The following EXOSC10 variants were observed in gnomAD, a reference collection of about 807,000 sequenced individuals.
The protein encoded by EXOSC10 is exosome component 10.
Under a neutral mutation model 126.6 loss-of-function variants are expected in EXOSC10, and 94 were observed. That is an observed-to-expected ratio of 0.74 (90% CI 0.63 to 0.88). EXOSC10 has a LOEUF of 0.88. Ranked by LOEUF, EXOSC10 falls within the 40% of genes least tolerant of loss-of-function variation. The probability of loss-of-function intolerance (pLI) is 0.00; values close to 1 mark genes in which losing one functional copy is unlikely to be tolerated. For missense variants in EXOSC10, 1,041 were observed against 1,100.5 expected, an observed-to-expected ratio of 0.95 and a Z score of 0.77; for synonymous variants, 395 against 400.8, an observed-to-expected ratio of 0.99 and a Z score of 0.17.
At chr1:11,074,476 G>C (rs1361917311) in intron 17 of EXOSC10, 150 bp from the exon 18 acceptor site, 1 of 582,602 alleles carries the variant, frequency 1.7e-6, no homozygotes, top group African/African-American at 1.9e-5. Context: ...ACAGTGGTGT[G>C]ATCTCTGCTC....
At chr1:11,084,902 GT>G (rs1640405483) in intron 9 of EXOSC10, among the ~76,000 whole-genome samples, 1 of 152,102 alleles carries the variant, frequency 6.6e-6, no homozygotes, top group Non-Finnish European at 1.5e-5. Flanking sequence ...CCCATTGCTT[GT>G]TTTTTGTCAG....
chr1:11,069,468 C>G (rs563937291), intron 22 of EXOSC10, 91 bp downstream of exon 22: 1 of 1,384,806 alleles, frequency 7.2e-7, no homozygotes, highest in Non-Finnish European at 9.9e-7. Context: ...TTGTGCAGGA[C>G]TCACTTGGCC....
intron 17 of EXOSC10, 92 bp downstream of exon 17, chr1:11,076,750 G>T: frequency 1.0e-6 from 1 of 977,760 alleles, no homozygotes; most frequent in Non-Finnish European, 1.6e-6. Context: ...GTCTCCGAGT[G>T]TATGCAATGC....
intron 9 of EXOSC10, among the ~76,000 whole-genome samples, chr1:11,085,120 T>C (rs2100992044): frequency 6.6e-6 from 1 of 152,358 alleles, no homozygotes; most frequent in East Asian, 1.9e-4. Context: ...GGCTCTTTTT[T>C]GGTTCCATAT....
At chr1:11,098,852 C>T (rs1641262253) in intron 1 of EXOSC10, among the ~76,000 whole-genome samples, 1 of 152,056 alleles carries the variant, frequency 6.6e-6, no homozygotes, top group African/African-American at 2.4e-5. Flanking sequence ...CATGTGAAGG[C>T]CTAAAACGTC....
chr1:11,095,763 T>A lies in EXOSC10; in HGVS notation c.367A>T (p.Arg123Ter), dbSNP rs780235205. The change falls in exon 3 of 25, where the codon AGA (arginine) becomes TGA (stop). Residue 123 changes from arginine to a stop codon, truncating the protein, a stop_gained. Coordinates refer to ENST00000376936, the MANE Select transcript of EXOSC10 (RefSeq NM_001001998.3). LOFTEE classifies it high-confidence loss of function. The part of the protein sequence containing the change: ...LVDANDVILE[R>*]VGILLDEASG... ...GAGTAAGGGAAAATACTCACCACTC[T>A]CTCCAGAATTACATCATTGGCATCA... The A allele has an allele frequency of 6.2e-7, 1 of 1,613,846 alleles. No homozygotes were observed. Among genetic ancestry groups the A allele is most frequent in the South Asian group, 1.1e-5 (1 of 91,066 alleles).
chr1:11,068,052 CGACT>C lies in EXOSC10; in HGVS notation c.2579_2582del (p.Gln860ArgfsTer?). ...GAAAGGACATGCTTTTGTTTCCCAC[CGACT>C]GTTTAATTTTTTTGGCTGCAATGCA... On this transcript the variant is annotated frameshift_variant, in exon 24 of 25. Transcript: ENST00000376936. LOFTEE classifies it high-confidence loss of function. 6.2e-7 allele frequency: 1 copy of C among 1,614,094 alleles called. No homozygotes were observed. The highest frequency in any genetic ancestry group is 8.5e-7 in the Non-Finnish European group (1 of 1,180,000).
chr1:11,072,178 T>C lies in EXOSC10; in HGVS notation c.2158-7A>G, dbSNP rs1432678329. The C allele has an allele frequency of 6.2e-7, 1 of 1,602,770 alleles. No homozygotes were observed. Among genetic ancestry groups the C allele is most frequent in the Non-Finnish European group, 8.5e-7 (1 of 1,173,890 alleles). ...GCTTCCAGCGGTTGCTGATCTATAA[T>C]GAAAGCAAATATAACAAAAAAAACC... is the stretch of plus-strand genomic sequence containing the variant. On this transcript the variant is annotated splice_region_variant and splice_polypyrimidine_tract_variant and intron_variant, in intron 19 of 24. Coordinates refer to ENST00000376936, the MANE Select transcript of EXOSC10 (RefSeq NM_001001998.3).
chr1:11,081,130 C>A lies in EXOSC10; in HGVS notation c.1389G>T (p.Pro463=), dbSNP rs2258621. 6.2e-6 allele frequency: 10 copies of A among 1,613,886 alleles called. No individual in the cohort carries two copies. The highest frequency in any genetic ancestry group is 4.0e-5 in the African/African-American group (3 of 74,836). ...GTTGCCACACCACCTGCAGCTGCAC[C>A]GGCTGCCCGTTGCCGCGCTCCCACA... ...LEMWERGNGQ[P]VQLQVVWQRS... The change falls in exon 11 of 25, where the codon CCG becomes CCT. Residue 463 remains proline (P), a synonymous_variant. Transcript: ENST00000376936.
intron 9 of EXOSC10, among the ~76,000 whole-genome samples, chr1:11,083,775 C>G (rs905738688): frequency 2.0e-5 from 3 of 152,122 alleles, no homozygotes; most frequent in African/African-American, 7.2e-5. Context: ...TATCCCTCCC[C>G]CCTTTCCCCA....
chr1:11,082,542 C>T (rs1019346243), intron 10 of EXOSC10, 146 bp downstream of exon 10: 52 of 1,486,058 alleles, frequency 3.5e-5, no homozygotes, highest in Middle Eastern at 1.8e-4. Flanking sequence ...ACCACTTTTA[C>T]GCTGCTGAAG....
At chr1:11,093,016 TTATAA>T (rs954102154) in intron 3 of EXOSC10, among the ~76,000 whole-genome samples, 2 of 152,224 alleles carry the variant, frequency 1.3e-5, no homozygotes, top group Middle Eastern at 3.2e-3. Context: ...CATTTTTGAC[TTATAA>T]TATAGGTTTA....
chr1:11,068,165 G>A (rs1374492870), intron 23 of EXOSC10, 81 bp from the exon 24 acceptor site: 16 of 1,116,926 alleles, frequency 1.4e-5, no homozygotes, highest in Admixed American at 5.4e-5. Context: ...AGCTCAGGTG[G>A]CCAAAGATTC....
In EXOSC10 at chr1:11,082,738, G is replaced by A. The variant is rs372227936; in HGVS notation, c.1230C>T (p.Tyr410=). The A allele has an allele frequency of 6.8e-6, 11 of 1,614,102 alleles. No individual in the cohort carries two copies. The highest frequency in any genetic ancestry group is 1.3e-5 in the African/African-American group (1 of 74,918). The part of the protein sequence containing the change: ...RHSLDHLLKL[Y]CNVDSNKQYQ... ...ATTGCTTGTTTGAGTCCACGTTGCA[G>A]TAGAGTTTCAGGAGATGATCGAGTG... The change falls in exon 10 of 25, where the codon TAC becomes TAT. Residue 410 remains tyrosine (Y), a synonymous_variant. Coordinates refer to ENST00000376936, the MANE Select transcript of EXOSC10 (RefSeq NM_001001998.3).
intron 9 of EXOSC10, 80 bp downstream of exon 9, chr1:11,087,368 G>T: frequency 6.5e-7 from 1 of 1,536,826 alleles, no homozygotes; most frequent in South Asian, 1.1e-5. Flanking sequence ...GGTCTAGGTT[G>T]AAATAATGAA....
At chr1:11,082,937 T>C (rs1640250448) in intron 9 of EXOSC10, 59 bp from the exon 10 acceptor site, 13 of 1,343,558 alleles carry the variant, frequency 9.7e-6, no homozygotes, top group Non-Finnish European at 1.4e-5. Flanking sequence ...TGCTCAGAAA[T>C]TAACTCTGCC....
chr1:11,097,219 C>CA (rs768227312), intron 2 of EXOSC10, among the ~76,000 whole-genome samples: 67 of 131,364 alleles, frequency 5.1e-4, no homozygotes, highest in East Asian at 6.5e-4. Context: ...TCCCCCCCAA[C>CA]AAAAAAAAAA....
At chr1:11,075,444 AC>A (rs1639755929) in intron 17 of EXOSC10, among the ~76,000 whole-genome samples, 1 of 152,166 alleles carries the variant, frequency 6.6e-6, no homozygotes, top group South Asian at 2.1e-4. Context: ...CCCTTGCAAC[AC>A]AAGAGTGCAG....
intron 22 of EXOSC10, among the ~76,000 whole-genome samples, chr1:11,069,296 G>A (rs1363969715): frequency 1.7e-5 from 2 of 117,080 alleles, no homozygotes; most frequent in East Asian, 2.8e-4. Context: ...GAAGGATGGC[G>A]CCCTGGTCAC....
Sources: gnomAD v4.1 joint callset for allele counts (sites outside exome capture counted in the v4.1 genomes callset) on GRCh38, gnomAD v4.1.1 for gene constraint, MANE v1.5 for transcripts, NCBI Gene and HGNC (gene_info 2026-07-23, HGNC 2026-07-21) for gene names.